FSTL5: variants seen among roughly 807,000 people sequenced by gnomAD.
The protein encoded by FSTL5 is follistatin like 5.
FSTL5 carries 62 observed loss-of-function variants against 89.1 expected under a neutral mutation model. The ratio of observed to expected loss-of-function variants is 0.70; its 90% CI spans 0.57 to 0.86. The LOEUF is 0.86. FSTL5 is among the 40% of genes least tolerant of loss of function. The pLI, the probability that FSTL5 is intolerant of heterozygous loss-of-function variation, is 0.00. For missense variants in FSTL5, 1,057 were observed against 1,001.6 expected (o/e 1.06, Z -0.75); for synonymous variants, 383 against 346.2 (o/e 1.11, Z -1.18).
At chr4:161,863,755 G>A (rs1252632641) in intron 4 of FSTL5, among the ~76,000 whole-genome samples, 2 of 152,064 alleles carry the variant, frequency 1.3e-5, no homozygotes, top group Non-Finnish European at 2.9e-5. Flanking sequence ...TTCCCTTGAC[G>A]GCTACAGACC....
intron 5 of FSTL5, among the ~76,000 whole-genome samples, chr4:161,775,251 C>T (rs974875097): frequency 5.1e-4 from 78 of 152,126 alleles, no homozygotes; most frequent in African/African-American, 1.7e-3. Flanking sequence ...AAGAAGTCAG[C>T]AAAATCATCA....
intron 4 of FSTL5, among the ~76,000 whole-genome samples, chr4:161,907,065 T>C (rs542954206): frequency 5.9e-5 from 9 of 152,200 alleles, no homozygotes; most frequent in Admixed American, 2.0e-4. Flanking sequence ...TGTTAAAATC[T>C]TTAAAGGCCA....
intron 3 of FSTL5, among the ~76,000 whole-genome samples, chr4:162,002,678 G>C (rs566805145): frequency 1.4e-4 from 22 of 152,186 alleles, no homozygotes; most frequent in African/African-American, 5.1e-4. Flanking sequence ...CTACTACATA[G>C]ACCCAAATAT....
At chr4:162,031,087 G>C (rs1737502675) in intron 3 of FSTL5, among the ~76,000 whole-genome samples, 1 of 152,068 alleles carries the variant, frequency 6.6e-6, no homozygotes, top group Admixed American at 6.6e-5. Context: ...AAATCTGTAG[G>C]ACTATCTCAT....
intron 4 of FSTL5, among the ~76,000 whole-genome samples, chr4:161,827,613 G>A (rs2126857483): frequency 6.6e-6 from 1 of 152,238 alleles, no homozygotes; most frequent in African/African-American, 2.4e-5. Context: ...ACTCTCCTTG[G>A]GCAGGGCTTG....
intron 4 of FSTL5, among the ~76,000 whole-genome samples, chr4:161,846,116 C>T (rs1229738196): frequency 6.6e-6 from 1 of 151,190 alleles, no homozygotes; most frequent in African/African-American, 2.4e-5. Flanking sequence ...TGTGCACGCA[C>T]AAGTATGTGT....
chr4:161,415,759 A>G (rs547831294), intron 15 of FSTL5, among the ~76,000 whole-genome samples: 73 of 147,560 alleles, frequency 4.9e-4, no homozygotes, highest in Non-Finnish European at 8.8e-4. Context: ...ACACATATAT[A>G]TCATACATAT....
chr4:161,506,699 TG>T (rs927831532), intron 11 of FSTL5, among the ~76,000 whole-genome samples: 16 of 152,132 alleles, frequency 1.1e-4, no homozygotes, highest in African/African-American at 3.9e-4. Context: ...AATTTTAGGC[TG>T]AAGAAGCTAA....
intron 4 of FSTL5, among the ~76,000 whole-genome samples, chr4:161,779,744 G>GGATTATCT (rs1553965219): frequency 1.8e-5 from 1 of 55,224 alleles, no homozygotes; most frequent in Non-Finnish European, 2.8e-5. Context: ...ATTTGTCCAA[G>GGATTATCT]GATTATTTGT....
chr4:161,792,556 C>G (rs949482941), intron 4 of FSTL5, among the ~76,000 whole-genome samples: 1 of 152,130 alleles, frequency 6.6e-6, no homozygotes, highest in Non-Finnish European at 1.5e-5. Flanking sequence ...ATGGACCAAT[C>G]AGTGCACACT....
chr4:162,046,762 G>C (rs1367961581), intron 2 of FSTL5, among the ~76,000 whole-genome samples: 2 of 152,064 alleles, frequency 1.3e-5, no homozygotes, highest in Admixed American at 6.6e-5. Flanking sequence ...TTAATGATTT[G>C]GTTATGAAAA....
intron 4 of FSTL5, among the ~76,000 whole-genome samples, chr4:161,817,379 G>T (rs1345787208): frequency 2.0e-5 from 3 of 152,174 alleles, no homozygotes; most frequent in African/African-American, 7.2e-5. Flanking sequence ...TTATCCAAAA[G>T]CTAATTAGAA....
At chr4:161,696,534 A>G (rs1360314370) in intron 6 of FSTL5, among the ~76,000 whole-genome samples, 3 of 152,106 alleles carry the variant, frequency 2.0e-5, no homozygotes, top group African/African-American at 4.8e-5. Flanking sequence ...GTAGATTGCT[A>G]TTGGCAGTAT....
intron 8 of FSTL5, among the ~76,000 whole-genome samples, chr4:161,560,337 C>T (rs1366799756): frequency 6.6e-6 from 1 of 151,728 alleles, no homozygotes; most frequent in Non-Finnish European, 1.5e-5. Context: ...AATATAGAGG[C>T]CTAAGACATT....
intron 15 of FSTL5, among the ~76,000 whole-genome samples, chr4:161,429,688 C>T (rs1384596781): frequency 6.6e-6 from 1 of 152,120 alleles, no homozygotes; most frequent in Non-Finnish European, 1.5e-5. Context: ...CTGCAGAGAA[C>T]AAAAACTTAG....
intron 3 of FSTL5, among the ~76,000 whole-genome samples, chr4:161,947,606 C>G (rs1287208304): frequency 6.6e-6 from 1 of 151,970 alleles, no homozygotes; most frequent in African/African-American, 2.4e-5. Flanking sequence ...TTTTTAATTA[C>G]TGTAGCTTTG....
chr4:161,408,283 T>C (rs1490263323), intron 15 of FSTL5, among the ~76,000 whole-genome samples: 2 of 152,178 alleles, frequency 1.3e-5, no homozygotes, highest in East Asian at 1.9e-4. Flanking sequence ...TCAGCATTTA[T>C]TGGATCACAG....
intron 1 of FSTL5, among the ~76,000 whole-genome samples, chr4:162,156,116 G>A (rs541825994): frequency 9.2e-5 from 14 of 152,028 alleles, no homozygotes; most frequent in Non-Finnish European, 1.9e-4. Flanking sequence ...CTTGGTTTCA[G>A]AAGACATACA....
intron 15 of FSTL5, among the ~76,000 whole-genome samples, chr4:161,448,858 A>G (rs1219354012): frequency 1.3e-5 from 2 of 152,168 alleles, no homozygotes; most frequent in African/African-American, 4.8e-5. Flanking sequence ...TTTCCAGTCC[A>G]TTCAAATTGA....
Sources: gnomAD v4.1 joint callset for allele counts (sites outside exome capture counted in the v4.1 genomes callset) on GRCh38, gnomAD v4.1.1 for gene constraint, MANE v1.5 for transcripts, NCBI Gene and HGNC (gene_info 2026-07-23, HGNC 2026-07-21) for gene names.